Variants in ORC3 observed in about 807,000 individuals in gnomAD.
ORC3 encodes origin recognition complex subunit 3, also known as homolog of latheo, Drosophila.
A neutral mutation model predicts 100.7 loss-of-function variants in ORC3; 78 were observed. The ratio of observed to expected loss-of-function variants is 0.77; its 90% CI spans 0.65 to 0.94. The LOEUF (loss-of-function observed/expected upper bound fraction) is 0.94, where lower values mean the gene tolerates loss of function less well. Ranked by LOEUF, ORC3 falls within the 40% of genes least tolerant of loss-of-function variation. The pLI is 0.00. For synonymous variants in ORC3, 295 were observed against 289.3 expected, an observed-to-expected ratio of 1.02 and a Z score of -0.20; for missense variants, 789 against 823.9, an observed-to-expected ratio of 0.96 and a Z score of 0.52.
chr6:87,622,404 G>A (rs1053802570), intron 11 of ORC3, among the ~76,000 whole-genome samples: 6 of 152,022 alleles, frequency 3.9e-5, no homozygotes, highest in South Asian at 2.1e-4. Context: ...CAGCTTAGGC[G>A]TCTGCTGCTA....
intron 2 of ORC3, among the ~76,000 whole-genome samples, chr6:87,599,423 A>T (rs1475322320): frequency 2.0e-5 from 3 of 151,404 alleles, no homozygotes; most frequent in Non-Finnish European, 4.4e-5. Context: ...GCTGGAGTGT[A>T]GTGGCACAAT....
At chr6:87,643,341 T>C (rs1409572018) in intron 13 of ORC3, among the ~76,000 whole-genome samples, 4 of 151,528 alleles carry the variant, frequency 2.6e-5, no homozygotes, top group East Asian at 1.9e-4. Flanking sequence ...TAACAAGCAC[T>C]CTGGCACATT....
At chr6:87,638,833 C>T (rs920514171) in intron 13 of ORC3, among the ~76,000 whole-genome samples, 1 of 151,862 alleles carries the variant, frequency 6.6e-6, no homozygotes, top group Non-Finnish European at 1.5e-5. Context: ...AATGGTGTGT[C>T]CTGTTTTTTA....
chr6:87,640,395 T>G (rs1768154852), intron 13 of ORC3, among the ~76,000 whole-genome samples: 1 of 152,232 alleles, frequency 6.6e-6, no homozygotes, highest in East Asian at 1.9e-4. Context: ...GTGGGGAGCA[T>G]GCAAGTGTTC....
intron 13 of ORC3, among the ~76,000 whole-genome samples, chr6:87,648,453 G>A (rs545046431): frequency 1.5e-4 from 23 of 152,054 alleles, no homozygotes; most frequent in African/African-American, 5.3e-4. Flanking sequence ...TGTTTTTGTT[G>A]TGGTGGTTAT....
chr6:87,602,964 TATATATAC>T lies in ORC3; in HGVS notation c.178-412_178-405del, dbSNP rs1213208835. ...TATATACACATATATAATATATATA[TATATATAC>T]ATATATATATACAATTTTTTTTTTT... On this transcript the variant is annotated intron_variant, in intron 3 of 19. Transcript: ENST00000392844. Among the ~76,000 whole-genome samples, 309 of 57,338 alleles carry T rather than the reference TATATATAC, an allele frequency of 5.4e-3. 10 individuals are homozygous for T. Among genetic ancestry groups the T allele is most frequent in the African/African-American group, 0.019 (272 of 14,204 alleles). The allele number at this position is 57,338 out of a possible 152,430, so 37.6% of individuals were successfully genotyped here.
intron 14 of ORC3, among the ~76,000 whole-genome samples, chr6:87,656,551 C>T (rs146757422): frequency 0.011 from 1,680 of 152,016 alleles, 30 homozygotes; most frequent in African/African-American, 0.039. Flanking sequence ...GGCGCCACTG[C>T]ACTCCAGCCT....
intron 13 of ORC3, among the ~76,000 whole-genome samples, chr6:87,648,517 A>G (rs1285454334): frequency 6.6e-6 from 1 of 152,194 alleles, no homozygotes; most frequent in Admixed American, 6.5e-5. Flanking sequence ...GATGCAATAT[A>G]GCATGCTCAG....
chr6:87,650,281 T>C (rs1175060059), intron 13 of ORC3, among the ~76,000 whole-genome samples: 1 of 152,094 alleles, frequency 6.6e-6, no homozygotes, highest in Non-Finnish European at 1.5e-5. Flanking sequence ...GTCTCAAACA[T>C]CTGGGCTCAA....
chr6:87,624,527 A>C (rs950641603), intron 11 of ORC3, among the ~76,000 whole-genome samples: 1 of 152,222 alleles, frequency 6.6e-6, no homozygotes, highest in Non-Finnish European at 1.5e-5. Context: ...TTTTTAGTTT[A>C]AAGTATCTTT....
intron 11 of ORC3, among the ~76,000 whole-genome samples, chr6:87,631,386 T>G (rs1767397682): frequency 6.6e-6 from 1 of 152,170 alleles, no homozygotes; most frequent in Non-Finnish European, 1.5e-5. Flanking sequence ...ATGACTAGTG[T>G]GCAGAAAAAG....
At chr6:87,628,401 C>T (rs1315850577) in intron 11 of ORC3, among the ~76,000 whole-genome samples, 1 of 152,160 alleles carries the variant, frequency 6.6e-6, no homozygotes, top group Non-Finnish European at 1.5e-5. Flanking sequence ...GAATTTCCTA[C>T]TAAGGAGGGA....
In ORC3 at chr6:87,603,525, C is replaced by G; in HGVS notation, c.319C>G (p.Leu107Val). ...LREIPTAALV[L>V]GVNVTDHDLT... ...AGAAATTCCAACTGCTGCTCTTGTT[C>G]TTGGTATATATGCGTATGTTTGTTC... Residue 107 changes from leucine to valine, a missense_variant, in exon 4 of 20, where the codon CTT (leucine) becomes GTT (valine). Physicochemically the swap from Leu to Val is conservative, Grantham distance 32 (BLOSUM62 1). Transcript: ENST00000392844. 4.6e-6 allele frequency: 7 copies of G among 1,512,192 alleles called. No individual in the cohort carries two copies. The highest frequency in any genetic ancestry group is 6.3e-6 in the Non-Finnish European group (7 of 1,110,148). The allele number at this position is 1,512,192 out of a possible 1,614,324, so 93.7% of individuals were successfully genotyped here.
In ORC3 at chr6:87,667,116, G is replaced by GGAT. The variant is rs757491864; in HGVS notation, c.2129_2130insGAT (p.Gly710_Cys711insIle). 2.8e-5 allele frequency: 45 copies of GGAT among 1,591,720 alleles called. No individual in the cohort carries two copies. Among genetic ancestry groups the GGAT allele is most frequent in the South Asian group, 1.0e-4 (9 of 88,786 alleles). Reference sequence around the variant, plus strand: ...CATGTGGCAAGACTAACATGGGGAGGCTGCTAGAAAGCAAATAAGCAAAGC... The same window carrying GGAT: ...CATGTGGCAAGACTAACATGGGGAGGGATCTGCTAGAAAGCAAATAAGCAAAGC... On this transcript the variant is annotated inframe_insertion, in exon 20 of 20. Coordinates refer to ENST00000392844, the MANE Select transcript of ORC3 (RefSeq NM_012381.4).
chr6:87,670,567 C>G (rs1331649840), downstream of ORC3, among the ~76,000 whole-genome samples: 1 of 152,194 alleles, frequency 6.6e-6, no homozygotes, highest in Non-Finnish European at 1.5e-5. Context: ...ACCCTCAAGA[C>G]AGCCTATGAA....
chr6:87,597,731 T>A (rs74907770), intron 2 of ORC3, among the ~76,000 whole-genome samples: 3,859 of 151,558 alleles, frequency 0.025, 169 homozygotes, highest in African/African-American at 0.089. Context: ...AATTTTTTTT[T>A]AAAATAGAGA....
At chr6:87,642,642 C>A (rs1253082080) in intron 13 of ORC3, among the ~76,000 whole-genome samples, 1 of 151,920 alleles carries the variant, frequency 6.6e-6, no homozygotes, top group South Asian at 2.1e-4. Context: ...GTGGCTCACG[C>A]CTGTAATCCC....
chr6:87,602,912 T>TATTA (rs55851353), intron 3 of ORC3, among the ~76,000 whole-genome samples: 3 of 36,242 alleles, frequency 8.3e-5, no homozygotes, highest in East Asian at 7.0e-4. Flanking sequence ...ATATTATATA[T>TATTA]TATATATATA....
At chr6:87,650,906 T>G in intron 13 of ORC3, 3 of 289,878 alleles carry the variant, frequency 1.0e-5, no homozygotes, top group Non-Finnish European at 2.1e-5. Context: ...ACTCGGGAGG[T>G]TGAGGCAGGA....
Sources: gnomAD v4.1 joint callset for allele counts (sites outside exome capture counted in the v4.1 genomes callset) on GRCh38, gnomAD v4.1.1 for gene constraint, MANE v1.5 for transcripts, NCBI Gene and HGNC (gene_info 2026-07-23, HGNC 2026-07-21) for gene names.